ATP5F1A: variants seen among roughly 807,000 people sequenced by gnomAD.
The protein encoded by ATP5F1A is ATP synthase F1 subunit alpha, also known as ATP synthase F(1) complex subunit alpha, mitochondrial.
Under a neutral mutation model 57.4 loss-of-function variants are expected in ATP5F1A, and 24 were observed. The observed-to-expected ratio is 0.42, with a 90% CI of 0.30 to 0.59. ATP5F1A has a LOEUF of 0.59. ATP5F1A is among the 20% of genes least tolerant of loss of function. The pLI, the probability that ATP5F1A is intolerant of heterozygous loss-of-function variation, is 0.19. For synonymous variants in ATP5F1A, 251 were observed against 255.5 expected (o/e 0.98, Z 0.17); for missense variants, 494 against 707.9 (o/e 0.70, Z 3.43).
intron 3 of ATP5F1A, among the ~76,000 whole-genome samples, chr18:46,091,063 T>C (rs545625245): frequency 6.6e-6 from 1 of 152,368 alleles, no homozygotes; most frequent in East Asian, 1.9e-4. Context: ...AGTGGCTCTT[T>C]TTCCGTAGTA....
upstream of ATP5F1A, among the ~76,000 whole-genome samples, chr18:46,101,667 G>T (rs1888599438): frequency 2.0e-5 from 3 of 151,980 alleles, no homozygotes; most frequent in Admixed American, 6.6e-5. Flanking sequence ...GGCTGAAGCA[G>T]GTTGATCACT....
At chr18:46,102,599 T>C (rs1258233672), upstream of ATP5F1A, among the ~76,000 whole-genome samples, 1 of 152,030 alleles carries the variant, frequency 6.6e-6, no homozygotes, top group East Asian at 1.9e-4. Context: ...GCTGAGAATA[T>C]AGGTGTGAGG....
In ATP5F1A at chr18:46,081,870, G is replaced by T. The variant is rs1909772776; in HGVS notation, c.*2412C>A. 1.3e-5 allele frequency: 2 copies of T among 151,856 alleles called. No individual in the cohort carries two copies. Among genetic ancestry groups the T allele is most frequent in the African/African-American group, 4.8e-5 (2 of 41,358 alleles). The allele number at this position is 151,856 out of a possible 1,614,324, so 9.4% of individuals were successfully genotyped here. ...TGAAAAGGACTTATGAGTACTTTAA[G>T]AACTCTCCTTTTCCTACCAAAGATA... On this transcript the variant is annotated 3_prime_UTR_variant, in exon 12 of 12. Coordinates refer to ENST00000398752, the MANE Select transcript of ATP5F1A (RefSeq NM_004046.6).
At chr18:46,089,375 G>C (rs912302423) in intron 5 of ATP5F1A, 191 bp downstream of exon 5, 1 of 647,154 alleles carries the variant, frequency 1.5e-6, no homozygotes, top group Non-Finnish European at 2.6e-6. Flanking sequence ...GAGCTAGCTC[G>C]TCCCACCTGA....
At chr18:46,102,363 G>A (rs754050084), upstream of ATP5F1A, among the ~76,000 whole-genome samples, 40 of 151,418 alleles carry the variant, frequency 2.6e-4, no homozygotes, top group Non-Finnish European at 5.4e-4. Flanking sequence ...TCACTCTGTC[G>A]CCCAGGCTGG....
At chr18:46,086,931 T>A (rs1228839094) in intron 8 of ATP5F1A, 77 bp downstream of exon 8, 10 of 1,451,620 alleles carry the variant, frequency 6.9e-6, no homozygotes, top group Non-Finnish European at 8.5e-6. Context: ...AATCAGTCAA[T>A]ATACCATTAG....
chr18:46,098,060 T>C, intron 1 of ATP5F1A, 112 bp downstream of exon 1: 4 of 1,441,414 alleles, frequency 2.8e-6, no homozygotes, highest in South Asian at 1.4e-5. Context: ...GGGTGCAAGA[T>C]GGCGGCATTC....
Position 46,081,692 on chromosome 18 carries a change from A to AAAAAAAAAAAAAAAC in ATP5F1A, c.*2589_*2590insGTTTTTTTTTTTTTT, listed in dbSNP as rs1568240735. 1.8e-3 allele frequency: 259 copies of AAAAAAAAAAAAAAAC among 144,370 alleles called. No individual in the cohort carries two copies. The highest frequency in any genetic ancestry group is 3.7e-3 in the Middle Eastern group (1 of 272). The allele number at this position is 144,370 out of a possible 1,614,324, so 8.9% of individuals were successfully genotyped here. ...AAAAAACAAAAAAAAAAAAAAAAAA[A>AAAAAAAAAAAAAAAC]AAAAACGAAATGTGCAGAACCTTCT... is the stretch of plus-strand genomic sequence containing the variant. On this transcript the variant is annotated 3_prime_UTR_variant, in exon 12 of 12. Coordinates refer to ENST00000398752, the MANE Select transcript of ATP5F1A (RefSeq NM_004046.6).
chr18:46,094,511 C>G (rs979170852), intron 2 of ATP5F1A, among the ~76,000 whole-genome samples: 1 of 151,850 alleles, frequency 6.6e-6, no homozygotes, highest in Non-Finnish European at 1.5e-5. Flanking sequence ...TACTAAAATA[C>G]AAAAAATTAG....
chr18:46,086,105 C>G lies in ATP5F1A; in HGVS notation c.1429+8G>C. 2 of 1,610,632 alleles carry G rather than the reference C, an allele frequency of 1.2e-6. No individual in the cohort carries two copies. Among genetic ancestry groups the G allele is most frequent in the Non-Finnish European group, 1.7e-6 (2 of 1,179,338 alleles). ...GAACCTGACCAAATGAAGAAAAGAA[C>G]AACTTACAATACTGTCCTTGCTTCA... On this transcript the variant is annotated splice_region_variant and intron_variant, in intron 10 of 11. Transcript: ENST00000398752.
upstream of ATP5F1A, chr18:46,098,465 T>A: frequency 7.9e-7 from 1 of 1,270,498 alleles, no homozygotes; most frequent in Non-Finnish European, 1.0e-6. Context: ...AATGATTAGA[T>A]ATATTCCGGC....
intron 5 of ATP5F1A, chr18:46,088,522 T>C (rs1722038028): frequency 3.8e-6 from 1 of 263,924 alleles, no homozygotes; most frequent in African/African-American, 2.3e-5. Context: ...TGTGCTTTGG[T>C]AAAAATGTGT....
rs1909816153 is a variant in ATP5F1A, at chr18:46,082,480, T to TC, written c.*1801dup. The TC allele has an allele frequency of 1.3e-5, 2 of 150,056 alleles. 1 individual carries two copies. Among genetic ancestry groups the TC allele is most frequent in the South Asian group, 4.2e-4 (2 of 4,736 alleles). The allele number at this position is 150,056 out of a possible 1,614,324, so 9.3% of individuals were successfully genotyped here. The stretch of plus-strand genomic sequence containing the variant: ...GCAGGCAGATCACAAGGTCAGGAGT[T>TC]CGAGACCAGCCTGGCCAATATGGTG... On this transcript the variant is annotated 3_prime_UTR_variant, in exon 12 of 12. Coordinates refer to ENST00000398752, the MANE Select transcript of ATP5F1A (RefSeq NM_004046.6).
chr18:46,084,387 G>C (rs775097787), intron 11 of ATP5F1A, 24 bp from the exon 12 acceptor site: 2 of 1,606,590 alleles, frequency 1.2e-6, no homozygotes, highest in East Asian at 2.2e-5. Context: ...AAAGCAGGTC[G>C]TAAGTTCTGA....
chr18:46,100,384 C>G (rs1047274984), upstream of ATP5F1A, among the ~76,000 whole-genome samples: 2 of 151,856 alleles, frequency 1.3e-5, no homozygotes, highest in African/African-American at 4.8e-5. Context: ...TCAGGGCATA[C>G]ACACAAACAG....
At chr18:46,098,426 T>G, upstream of ATP5F1A, 3 of 1,360,276 alleles carry the variant, frequency 2.2e-6, no homozygotes, top group Non-Finnish European at 2.9e-6. Context: ...TTTTTTTATG[T>G]AACATTTTTA....
rs1343482646 is a variant in ATP5F1A at position 46,081,282 on chromosome 18, A to T, written c.*3000T>A. Reference sequence around the variant, plus strand: ...GTGGGCTACGAGATCCAGTCAACAAACAAACAATACATACTCCCAGTAATA... The same window carrying T: ...GTGGGCTACGAGATCCAGTCAACAATCAAACAATACATACTCCCAGTAATA... On this transcript the variant is annotated 3_prime_UTR_variant, in exon 12 of 12. Transcript: ENST00000398752. 2 of 151,344 alleles carry T rather than the reference A, an allele frequency of 1.3e-5. No homozygotes were observed. The highest frequency in any genetic ancestry group is 4.9e-5 in the African/African-American group (2 of 41,116). The allele number at this position is 151,344 out of a possible 1,614,324, so 9.4% of individuals were successfully genotyped here.
intron 6 of ATP5F1A, 75 bp from the exon 7 acceptor site, chr18:46,087,567 G>A (rs997500788): frequency 1.3e-6 from 2 of 1,505,714 alleles, no homozygotes; most frequent in Non-Finnish European, 1.8e-6. Context: ...TTACCTAAGT[G>A]CTAAAAATAT....
intron 4 of ATP5F1A, 27 bp downstream of exon 4, chr18:46,089,796 A>C (rs761004722): frequency 6.2e-7 from 1 of 1,609,696 alleles, no homozygotes; most frequent in Admixed American, 1.7e-5. Context: ...AGAAGCTGCA[A>C]CTATATCTAA....
Sources: gnomAD v4.1 joint callset for allele counts (sites outside exome capture counted in the v4.1 genomes callset) on GRCh38, gnomAD v4.1.1 for gene constraint, MANE v1.5 for transcripts, NCBI Gene and HGNC (gene_info 2026-07-23, HGNC 2026-07-21) for gene names.